The following ATP9B variants were observed in gnomAD, a reference collection of about 807,000 sequenced individuals.
ATP9B encodes the protein probable phospholipid-transporting ATPase IIB.
A neutral mutation model predicts 146.1 loss-of-function variants in ATP9B; 110 were observed. That is an observed-to-expected ratio of 0.75 (90% CI 0.65 to 0.88). The LOEUF is 0.88. Ranked by LOEUF, ATP9B falls within the 40% of genes least tolerant of loss-of-function variation. ATP9B has a pLI of 0.00. For missense variants in ATP9B, 1,499 were observed against 1,496.4 expected (o/e 1.00, Z -0.03); for synonymous variants, 604 against 569.7 (o/e 1.06, Z -0.86).
chr18:79,166,981 TC>T (rs1329061711), intron 7 of ATP9B, among the ~76,000 whole-genome samples: 3 of 152,030 alleles, frequency 2.0e-5, no homozygotes, highest in South Asian at 2.1e-4. Flanking sequence ...AGGTGCCGGC[TC>T]TGTGTGAGGC....
At position 79,345,562 on chromosome 18, in the gene ATP9B, C is replaced by T. The variant is rs779798939; in HGVS notation, c.2607C>T (p.Thr869=). The part of the protein sequence containing the change: ...TLLQQHTGRR[T]CAIGDGGNDV... ...TGCAGCAGCACACAGGGAGACGCAC[C>T]TGCGCCATCGGTGAGAGCCGCCCAC... Residue 869 remains threonine, a synonymous_variant, in exon 22 of 30, where the codon ACC becomes ACT. Transcript: ENST00000426216. 6.2e-7 allele frequency: 1 copy of T among 1,608,512 alleles called. No individual in the cohort carries two copies.
At chr18:79,262,014 A>G (rs968855492) in intron 12 of ATP9B, among the ~76,000 whole-genome samples, 2 of 152,046 alleles carry the variant, frequency 1.3e-5, no homozygotes, top group East Asian at 1.9e-4. Context: ...AGCTCAGTAC[A>G]CGCCCCACGC....
chr18:79,314,544 G>A (rs1431507201), intron 15 of ATP9B, among the ~76,000 whole-genome samples: 1 of 152,202 alleles, frequency 6.6e-6, no homozygotes, highest in Non-Finnish European at 1.5e-5. Context: ...GTGGTGATAC[G>A]ATACTTGAAG....
intron 11 of ATP9B, among the ~76,000 whole-genome samples, chr18:79,246,035 G>A (rs549895322): frequency 2.0e-5 from 2 of 97,740 alleles, no homozygotes; most frequent in Non-Finnish European, 2.1e-5. Flanking sequence ...GGAGGGCACC[G>A]CCCTACTGAC....
intron 1 of ATP9B, among the ~76,000 whole-genome samples, chr18:79,090,482 G>A (rs961762516): frequency 6.6e-6 from 1 of 152,204 alleles, no homozygotes. Context: ...TGGGTGAGAT[G>A]ATCTCTGTTT....
intron 1 of ATP9B, among the ~76,000 whole-genome samples, chr18:79,076,244 T>G (rs2072600447): frequency 6.6e-6 from 1 of 152,244 alleles, no homozygotes; most frequent in African/African-American, 2.4e-5. Context: ...CATCTACCCT[T>G]TCTGCCCTTT....
chr18:79,321,242 C>T (rs890942362), intron 15 of ATP9B, among the ~76,000 whole-genome samples: 6 of 152,192 alleles, frequency 3.9e-5, no homozygotes, highest in African/African-American at 1.2e-4. Flanking sequence ...GGGAACCAGC[C>T]GTTCCTTTGA....
intron 2 of ATP9B, among the ~76,000 whole-genome samples, chr18:79,100,282 AGTT>A (rs1302389080): frequency 1.3e-5 from 2 of 152,166 alleles, no homozygotes; most frequent in Non-Finnish European, 2.9e-5. Context: ...GTGAAGTCAT[AGTT>A]GTTGGTTGTC....
chr18:79,336,062 G>T, intron 17 of ATP9B, among the ~76,000 whole-genome samples: 1 of 140,456 alleles, frequency 7.1e-6, no homozygotes, highest in Non-Finnish European at 1.6e-5. Context: ...CTGGCACCAG[G>T]TGCTCCCCTC....
At chr18:79,099,981 T>C (rs1206895572) in intron 2 of ATP9B, among the ~76,000 whole-genome samples, 1 of 151,958 alleles carries the variant, frequency 6.6e-6, no homozygotes, top group Non-Finnish European at 1.5e-5. Flanking sequence ...AAAAATTAGC[T>C]GGGCATGGTG....
At chr18:79,148,826 C>T (rs1454668560) in intron 6 of ATP9B, among the ~76,000 whole-genome samples, 2 of 152,156 alleles carry the variant, frequency 1.3e-5, no homozygotes, top group African/African-American at 2.4e-5. Context: ...AAAACCCCAA[C>T]GGATCTATAG....
intron 3 of ATP9B, among the ~76,000 whole-genome samples, chr18:79,110,782 A>G (rs1568196962): frequency 6.6e-6 from 1 of 152,270 alleles, no homozygotes; most frequent in Non-Finnish European, 1.5e-5. Flanking sequence ...TATTTTAGAA[A>G]TATAGACATA....
intron 1 of ATP9B, among the ~76,000 whole-genome samples, chr18:79,092,754 C>G (rs2074449695): frequency 6.6e-6 from 1 of 150,488 alleles, no homozygotes; most frequent in South Asian, 2.1e-4. Context: ...CATTATGTCA[C>G]TGGGAAGGCA....
At chr18:79,110,230 A>T in intron 2 of ATP9B, 125 bp from the exon 3 acceptor site, 1 of 832,676 alleles carries the variant, frequency 1.2e-6, no homozygotes, top group Non-Finnish European at 1.7e-6. Context: ...AATTAGCATT[A>T]GGTGTGCTAT....
chr18:79,217,219 G>A (rs915038526), intron 11 of ATP9B, among the ~76,000 whole-genome samples: 3 of 152,222 alleles, frequency 2.0e-5, no homozygotes, highest in Admixed American at 1.3e-4. Context: ...GAGTCTTGCT[G>A]TGTTGCCCAG....
intron 12 of ATP9B, among the ~76,000 whole-genome samples, chr18:79,269,085 C>A (rs2096231553): frequency 1.3e-5 from 2 of 152,302 alleles, no homozygotes; most frequent in African/African-American, 4.8e-5. Flanking sequence ...CTTCTTGACT[C>A]TAGATTCTTT....
chr18:79,198,314 T>TA (rs1374341516), intron 9 of ATP9B, among the ~76,000 whole-genome samples: 2 of 151,988 alleles, frequency 1.3e-5, no homozygotes, highest in African/African-American at 4.8e-5. Flanking sequence ...AGGTAAAAAG[T>TA]AAAAAATAGA....
At chr18:79,289,190 G>A (rs2096475958) in intron 13 of ATP9B, among the ~76,000 whole-genome samples, 1 of 152,160 alleles carries the variant, frequency 6.6e-6, no homozygotes, top group Non-Finnish European at 1.5e-5. Context: ...GGTTCTCCTG[G>A]ATAATATCCT....
chr18:79,346,311 C>G (rs8085068), intron 23 of ATP9B, among the ~76,000 whole-genome samples: 58,006 of 150,460 alleles, frequency 0.39, 11,263 homozygotes, highest in Middle Eastern at 0.55. Flanking sequence ...ACTTGGCACA[C>G]TCGTTTAGCA....
Sources: gnomAD v4.1 joint callset for allele counts (sites outside exome capture counted in the v4.1 genomes callset) on GRCh38, gnomAD v4.1.1 for gene constraint, MANE v1.5 for transcripts, NCBI Gene and HGNC (gene_info 2026-07-23, HGNC 2026-07-21) for gene names.